The following RBPJ variants were observed in gnomAD, a reference collection of about 807,000 sequenced individuals.
The protein encoded by RBPJ is recombining binding protein suppressor of hairless.
RBPJ carries 9 observed loss-of-function variants against 67.8 expected under a neutral mutation model. The ratio of observed to expected loss-of-function variants is 0.13; its 90% CI spans 0.08 to 0.23. The LOEUF (loss-of-function observed/expected upper bound fraction) is 0.23. Among genes scored for constraint, RBPJ ranks in the 10% least tolerant of loss-of-function variants. The pLI is 1.00. For missense variants in RBPJ, 305 were observed against 595.6 expected (o/e 0.51, Z 5.08); for synonymous variants, 198 against 203.3 (o/e 0.97, Z 0.22).
chr4:26,133,858 A>G, the RBPJ span, among the ~76,000 whole-genome samples: 1 of 152,050 alleles, frequency 6.6e-6, no homozygotes. Context: ...CAGACTCTAG[A>G]TTCTATCCAC....
At chr4:26,165,565 G>A (rs763479118) in intron 1 of RBPJ, among the ~76,000 whole-genome samples, 1 of 152,250 alleles carries the variant, frequency 6.6e-6, no homozygotes, top group South Asian at 2.1e-4. Flanking sequence ...AATGAGGGAA[G>A]GGGGAGGGAA....
rs60883152 is a variant in RBPJ at position 26,219,942 on chromosome 4, A to ATT, written c.-167+56341_-167+56342dup. Among the ~76,000 whole-genome samples, 1,042 of 147,306 alleles carry ATT rather than the reference A, an allele frequency of 7.1e-3. 9 individuals carry two copies. The highest frequency in any genetic ancestry group is 0.024 in the African/African-American group (967 of 39,998). On this transcript the variant is annotated intron_variant, in intron 1 of 4. Transcript: ENST00000512351. ...AGGCACCCACCACCACGCCCAACTA[A>ATT]TTTTTTTTTTTTTTGTATTTTTAGT...
At chr4:26,219,996 G>T (rs567617538) in intron 1 of RBPJ, among the ~76,000 whole-genome samples, 63 of 151,988 alleles carry the variant, frequency 4.1e-4, no homozygotes, top group South Asian at 3.7e-3. Flanking sequence ...TGTTAGCCAG[G>T]ATGGTCTCTA....
intron 1 of RBPJ, among the ~76,000 whole-genome samples, chr4:26,222,140 A>G (rs992952518): frequency 1.3e-5 from 2 of 152,232 alleles, no homozygotes; most frequent in African/African-American, 4.8e-5. Flanking sequence ...GTAAAATCTC[A>G]GAAATGTTCT....
chr4:26,156,861 G>A, the RBPJ span, among the ~76,000 whole-genome samples: 1 of 151,824 alleles, frequency 6.6e-6, no homozygotes, highest in Admixed American at 6.6e-5. Flanking sequence ...CTTGAGCCCA[G>A]GAATTGGAGG....
chr4:26,321,147 G>C, intron 1 of RBPJ, 99 bp downstream of exon 1: 1 of 823,374 alleles, frequency 1.2e-6, no homozygotes, highest in Non-Finnish European at 1.8e-6. Context: ...CGCGCTTGGC[G>C]TTCGGGGGCC....
upstream of RBPJ, among the ~76,000 whole-genome samples, chr4:26,314,875 G>A (rs755640531): frequency 3.9e-5 from 6 of 152,054 alleles, no homozygotes; most frequent in East Asian, 3.9e-4. Flanking sequence ...TGCCAGGTGC[G>A]GTGGCTCACG....
intron 1 of RBPJ, among the ~76,000 whole-genome samples, chr4:26,210,848 G>A (rs1215614019): frequency 2.1e-5 from 3 of 141,128 alleles, no homozygotes; most frequent in African/African-American, 8.0e-5. Context: ...GTGTGCCAGT[G>A]AAAAGCCTAG....
At chr4:26,173,405 G>A (rs1210663959) in intron 1 of RBPJ, among the ~76,000 whole-genome samples, 1 of 152,168 alleles carries the variant, frequency 6.6e-6, no homozygotes, top group Non-Finnish European at 1.5e-5. Flanking sequence ...CAAAGTACTG[G>A]GATGACAGGC....
intron 1 of RBPJ, among the ~76,000 whole-genome samples, chr4:26,312,288 C>A (rs1053154095): frequency 6.6e-6 from 1 of 152,118 alleles, no homozygotes; most frequent in Non-Finnish European, 1.5e-5. Context: ...CCCGCCACCA[C>A]GCCTGGCTAA....
intron 1 of RBPJ, among the ~76,000 whole-genome samples, chr4:26,166,506 T>A (rs1716308978): frequency 6.7e-6 from 1 of 150,082 alleles, no homozygotes; most frequent in Non-Finnish European, 1.5e-5. Flanking sequence ...TTTGGCTGCA[T>A]AAATGTCTTC....
chr4:26,328,986 T>C (rs1384543235), intron 1 of RBPJ, among the ~76,000 whole-genome samples: 1 of 152,048 alleles, frequency 6.6e-6, no homozygotes, highest in Non-Finnish European at 1.5e-5. Flanking sequence ...GGGTAAGGTA[T>C]TGAGGTTTTT....
chr4:26,239,950 G>A (rs1719579909), intron 1 of RBPJ, among the ~76,000 whole-genome samples: 1 of 152,022 alleles, frequency 6.6e-6, no homozygotes. Context: ...TCTTGTAAAG[G>A]ATGTTTTATA....
chr4:26,308,625 C>T (rs982481472), intron 1 of RBPJ, among the ~76,000 whole-genome samples: 1 of 152,188 alleles, frequency 6.6e-6, no homozygotes, highest in Admixed American at 6.5e-5. Context: ...AAGCTAGGTA[C>T]TTAACAAGAT....
intron 1 of RBPJ, among the ~76,000 whole-genome samples, chr4:26,230,987 C>G (rs554784453): frequency 1.3e-5 from 2 of 152,290 alleles, no homozygotes; most frequent in South Asian, 4.1e-4. Flanking sequence ...CCCCCAGGCT[C>G]TCTGACAACA....
intron 1 of RBPJ, among the ~76,000 whole-genome samples, chr4:26,170,777 G>A (rs1041078246): frequency 1.3e-5 from 2 of 152,148 alleles, no homozygotes; most frequent in Non-Finnish European, 2.9e-5. Flanking sequence ...TTAAGCAATA[G>A]GCAGCACTAT....
At chr4:26,109,159 G>A in the RBPJ span, among the ~76,000 whole-genome samples, 2 of 147,548 alleles carry the variant, frequency 1.4e-5, no homozygotes, top group East Asian at 4.0e-4. Flanking sequence ...CCAGGCTGGA[G>A]TGCGGTGGTG....
chr4:26,383,318 G>A (rs930864970), intron 1 of RBPJ, among the ~76,000 whole-genome samples: 5 of 152,188 alleles, frequency 3.3e-5, no homozygotes, highest in Non-Finnish European at 5.9e-5. Context: ...AAAATTTACA[G>A]TTGAATTTTG....
At chr4:26,300,996 T>A (rs1431774514) in intron 1 of RBPJ, among the ~76,000 whole-genome samples, 1 of 152,230 alleles carries the variant, frequency 6.6e-6, no homozygotes, top group Non-Finnish European at 1.5e-5. Context: ...TAGACAGAAT[T>A]CTTCACAGTT....
Sources: allele counts gnomAD v4.1 joint callset (sites outside exome capture counted in the v4.1 genomes callset), GRCh38; gene constraint gnomAD v4.1.1; transcripts MANE v1.5; gene names NCBI Gene and HGNC (gene_info 2026-07-23, HGNC 2026-07-21).